The following LRRTM4 variants were observed in gnomAD, a reference collection of about 807,000 sequenced individuals.
LRRTM4 encodes leucine rich repeat transmembrane neuronal 4.
A neutral mutation model predicts 47.6 loss-of-function variants in LRRTM4; 25 were observed. The ratio of observed to expected loss-of-function variants is 0.53; its 90% confidence interval spans 0.38 to 0.73. The LOEUF (loss-of-function observed/expected upper bound fraction) is 0.73. Among genes scored for constraint, LRRTM4 ranks in the 30% least tolerant of loss-of-function variants. The pLI, the probability that LRRTM4 is intolerant of heterozygous loss-of-function variation, is 0.00. For synonymous variants in LRRTM4, 311 were observed against 269.5 expected, an observed-to-expected ratio of 1.15 and a Z score of -1.51; for missense variants, 638 against 713.4, an observed-to-expected ratio of 0.89 and a Z score of 1.20.
chr2:76,870,183 G>T (rs2104048495), intron 3 of LRRTM4, among the ~76,000 whole-genome samples: 1 of 152,248 alleles, frequency 6.6e-6, no homozygotes, highest in Middle Eastern at 3.4e-3. Context: ...ACTGTTTCCT[G>T]CTTGCTCAGC....
At chr2:76,891,926 G>T (rs1296497825) in intron 3 of LRRTM4, among the ~76,000 whole-genome samples, 4 of 151,562 alleles carry the variant, frequency 2.6e-5, no homozygotes, top group Non-Finnish European at 5.9e-5. Context: ...AGAAAAAATT[G>T]CTGTATATGT....
In LRRTM4 at chr2:77,342,621, A is replaced by G. The variant is rs142868373; in HGVS notation, c.1551+175697T>C. ...ATTACTTAATTTGGAGAATAAAGTT[A>G]TTTTTTCAAAGACAATATATACACA... On this transcript the variant is annotated intron_variant, in intron 3 of 3. Coordinates refer to ENST00000409884, the MANE Select transcript of LRRTM4 (RefSeq NM_001134745.3). 3.3e-5 allele frequency among the ~76,000 whole-genome samples: 5 copies of G among 152,062 alleles called. No homozygotes were observed. The East Asian group carries it at 9.7e-4, about 29-fold the overall frequency.
intron 3 of LRRTM4, among the ~76,000 whole-genome samples, chr2:77,081,498 A>G (rs1680532172): frequency 6.6e-6 from 1 of 152,144 alleles, no homozygotes; most frequent in Non-Finnish European, 1.5e-5. Context: ...AATGTGTAAG[A>G]AATTAATACA....
At chr2:76,863,255 A>C (rs1672370816) in intron 3 of LRRTM4, among the ~76,000 whole-genome samples, 1 of 152,218 alleles carries the variant, frequency 6.6e-6, no homozygotes, top group African/African-American at 2.4e-5. Context: ...TAAGTAAGGT[A>C]CTTATGACTG....
chr2:77,080,190 G>C (rs905835015), intron 3 of LRRTM4, among the ~76,000 whole-genome samples: 5 of 152,100 alleles, frequency 3.3e-5, no homozygotes, highest in African/African-American at 1.2e-4. Context: ...TAACTCCCTT[G>C]AAATTCTTTC....
intron 3 of LRRTM4, among the ~76,000 whole-genome samples, chr2:76,777,449 T>C (rs1674086601): frequency 6.9e-6 from 1 of 144,562 alleles, no homozygotes; most frequent in African/African-American, 2.6e-5. Context: ...CAGTGGTTTG[T>C]AGTTCTCCTT....
intron 3 of LRRTM4, among the ~76,000 whole-genome samples, chr2:76,980,169 T>C (rs1676557245): frequency 6.6e-6 from 1 of 152,100 alleles, no homozygotes; most frequent in African/African-American, 2.4e-5. Context: ...AAAGCCAGTA[T>C]TCAGCAAGAC....
intron 3 of LRRTM4, among the ~76,000 whole-genome samples, chr2:77,234,412 CAG>C (rs1439421161): frequency 5.9e-5 from 9 of 152,122 alleles, no homozygotes; most frequent in Non-Finnish European, 2.9e-5. Flanking sequence ...TCTGTGACTA[CAG>C]TTTGGATGTG....
intron 3 of LRRTM4, among the ~76,000 whole-genome samples, chr2:77,066,780 T>G (rs1679969719): frequency 6.6e-6 from 1 of 152,252 alleles, no homozygotes; most frequent in Non-Finnish European, 1.5e-5. Context: ...ATTGACATTT[T>G]ATAAAACAGA....
rs182680552 is a variant in LRRTM4, at chr2:76,879,289, G to A, written c.1552-130373C>T. 8.5e-5 allele frequency among the ~76,000 whole-genome samples: 13 copies of A among 152,250 alleles called. No individual in the cohort carries two copies. The East Asian group carries it at 1.9e-3, about 23-fold the overall frequency. On this transcript the variant is annotated intron_variant, in intron 3 of 3. Transcript: ENST00000409884. ...CAATGCCTGGCTTCAAAGCTTCGCCGGAAAGGGTGACTCTCTTGTTAGGGG... is the reference window on the plus strand; with the variant it reads ...CAATGCCTGGCTTCAAAGCTTCGCCAGAAAGGGTGACTCTCTTGTTAGGGG...
intron 3 of LRRTM4, among the ~76,000 whole-genome samples, chr2:76,793,873 C>A (rs961105869): frequency 6.6e-6 from 1 of 152,134 alleles, no homozygotes; most frequent in South Asian, 2.1e-4. Flanking sequence ...AAATACAATT[C>A]GTATGATCTA....
intron 3 of LRRTM4, among the ~76,000 whole-genome samples, chr2:76,852,847 G>A (rs895212197): frequency 6.6e-6 from 1 of 152,136 alleles, no homozygotes; most frequent in South Asian, 2.1e-4. Flanking sequence ...AAAGGAGCTT[G>A]TGATTAGGAT....
intron 3 of LRRTM4, among the ~76,000 whole-genome samples, chr2:77,086,060 T>C (rs1029513102): frequency 6.6e-6 from 1 of 152,166 alleles, no homozygotes; most frequent in Non-Finnish European, 1.5e-5. Flanking sequence ...AAAGATGGCC[T>C]TGATTATATT....
rs148462980 is a variant in LRRTM4, at chr2:77,392,084, T to G, written c.1551+126234A>C. 2.9e-3 allele frequency among the ~76,000 whole-genome samples: 448 copies of G among 152,182 alleles called. 3 individuals are homozygous for G. The highest frequency in any genetic ancestry group is 0.01 in the African/African-American group (428 of 41,546). ...AGGTCCCTCCAAAGAGTCTGACATC[T>G]TCGATAAAAGACATTTACATCTATT... On this transcript the variant is annotated intron_variant, in intron 3 of 3. Transcript: ENST00000409884.
intron 3 of LRRTM4, among the ~76,000 whole-genome samples, chr2:77,322,407 A>G (rs564030308): frequency 1.4e-4 from 21 of 152,120 alleles, no homozygotes; most frequent in Admixed American, 3.3e-4. Context: ...ATAAACTCTT[A>G]GTGTTTCAAG....
At chr2:77,128,593 A>G (rs1671715010) in intron 3 of LRRTM4, among the ~76,000 whole-genome samples, 1 of 152,118 alleles carries the variant, frequency 6.6e-6, no homozygotes, top group South Asian at 2.1e-4. Flanking sequence ...TTTTCCTCTT[A>G]TCATCAAAAG....
intron 3 of LRRTM4, among the ~76,000 whole-genome samples, chr2:76,809,281 TA>T (rs1670656123): frequency 6.6e-6 from 1 of 152,176 alleles, no homozygotes; most frequent in African/African-American, 2.4e-5. Flanking sequence ...CCTTATAAAA[TA>T]GCTTTAATGG....
At chr2:77,022,012 TC>T (rs770633608) in intron 3 of LRRTM4, among the ~76,000 whole-genome samples, 1 of 152,008 alleles carries the variant, frequency 6.6e-6, no homozygotes, top group Non-Finnish European at 1.5e-5. Context: ...CCTGTATGAG[TC>T]CATTTCATGC....
At chr2:77,010,363 T>C (rs1446701) in intron 3 of LRRTM4, among the ~76,000 whole-genome samples, 83,152 of 151,824 alleles carry the variant, frequency 0.55, 24,797 homozygotes, top group African/African-American at 0.79. Flanking sequence ...TTACATTCCA[T>C]ATGTAAATGA....
Sources: allele counts gnomAD v4.1 joint callset (sites outside exome capture counted in the v4.1 genomes callset), GRCh38; gene constraint gnomAD v4.1.1; transcripts MANE v1.5; gene names NCBI Gene and HGNC (gene_info 2026-07-23, HGNC 2026-07-21).